Variants in TGFB2 observed in about 807,000 individuals in gnomAD.
TGFB2 encodes transforming growth factor beta 2, also known as transforming growth factor beta-2 proprotein.
Under a neutral mutation model 42.7 loss-of-function variants are expected in TGFB2, and 13 were observed. That is an observed-to-expected ratio of 0.30 (90% CI 0.20 to 0.48). The LOEUF is 0.48. Among genes scored for constraint, TGFB2 ranks in the 20% least tolerant of loss-of-function variants. The pLI is 0.99. For missense variants in TGFB2, 390 were observed against 517.5 expected, an observed-to-expected ratio of 0.75 and a Z score of 2.39; for synonymous variants, 193 against 193.6, an observed-to-expected ratio of 1.00 and a Z score of 0.03.
intron 2 of TGFB2, among the ~76,000 whole-genome samples, chr1:218,427,177 A>G (rs953753856): frequency 2.0e-5 from 3 of 152,152 alleles, no homozygotes; most frequent in African/African-American, 4.8e-5. Flanking sequence ...CATTAAGTAC[A>G]TTCACCACAA....
intron 1 of TGFB2, among the ~76,000 whole-genome samples, chr1:218,394,117 G>C (rs1571865051): frequency 1.3e-5 from 2 of 152,210 alleles, no homozygotes; most frequent in East Asian, 3.9e-4. Flanking sequence ...CACTGCGTTA[G>C]CCAGGATGGT....
intron 2 of TGFB2, among the ~76,000 whole-genome samples, chr1:218,424,248 A>G (rs1225644047): frequency 2.0e-5 from 3 of 152,250 alleles, no homozygotes; most frequent in Non-Finnish European, 4.4e-5. Context: ...TGATGAAGAC[A>G]TTGGCTGCAC....
At chr1:218,406,092 C>CT (rs1312880833) in intron 2 of TGFB2, among the ~76,000 whole-genome samples, 4 of 151,830 alleles carry the variant, frequency 2.6e-5, no homozygotes, top group South Asian at 2.1e-4. Context: ...TCCTTTTTCA[C>CT]TTTTTTCTCC....
intron 2 of TGFB2, among the ~76,000 whole-genome samples, chr1:218,408,961 C>T (rs1036582539): frequency 2.0e-5 from 3 of 152,186 alleles, no homozygotes; most frequent in African/African-American, 7.2e-5. Context: ...TATATATGGT[C>T]CCATCTGGCA....
At position 218,402,380 on chromosome 1, in the gene TGFB2, A is replaced by G. The variant is rs150047713; in HGVS notation, c.347-2789A>G. On this transcript the variant is annotated intron_variant, in intron 1 of 6. Coordinates refer to ENST00000366930, the MANE Select transcript of TGFB2 (RefSeq NM_003238.6). ...GCTGAACAACTGTACTTAACTAGCA[A>G]GCTACTCCTGTAAATATTTGCAAAC... Among the ~76,000 whole-genome samples the G allele has an allele frequency of 7.6e-3, 1,163 of 152,340 alleles. 11 individuals are homozygous for G. The highest frequency in any genetic ancestry group is 0.011 in the Non-Finnish European group (750 of 68,032).
Position 218,442,227 on chromosome 1 carries a change from T to C in TGFB2, c.*865T>C, listed in dbSNP as rs970715133. 6.6e-6 allele frequency: 1 copy of C among 152,144 alleles called. No individual in the cohort carries two copies. The highest frequency in any genetic ancestry group is 1.5e-5 in the Non-Finnish European group (1 of 67,998). The allele number at this position is 152,144 out of a possible 1,614,324, so 9.4% of individuals were successfully genotyped here. A position where few individuals can be genotyped will look rare whatever the true frequency, so the allele number is the denominator to read the frequency against. ...AGTGAAATGTTGAAATGTTTTGACA[T>C]GTACTGGTCAAACTTCAGACCTTAA... On this transcript the variant is annotated 3_prime_UTR_variant, in exon 7 of 7. Coordinates refer to ENST00000366930, the MANE Select transcript of TGFB2 (RefSeq NM_003238.6).
At chr1:218,434,540 G>A (rs1458405505) in intron 4 of TGFB2, 92 bp downstream of exon 4, 1 of 789,578 alleles carries the variant, frequency 1.3e-6, no homozygotes, top group Admixed American at 2.3e-5. Context: ...GTGAAAATGA[G>A]ACTGGTAAGG....
rs10482810 is a variant in TGFB2, at chr1:218,434,190, G to A, written c.619G>A (p.Val207Ile). 1.2e-6 allele frequency: 2 copies of A among 1,614,148 alleles called. No homozygotes were observed. The highest frequency in any genetic ancestry group is 1.7e-6 in the Non-Finnish European group (2 of 1,179,996). ...EWLSFDVTDA[V>I]HEWLHHKDRN... is the part of the protein sequence containing the mutation. ...GCTCTCCTTCGATGTAACTGATGCTGTTCATGAATGGCTTCACCATAAAGG... is the reference window on the plus strand; with the variant it reads ...GCTCTCCTTCGATGTAACTGATGCTATTCATGAATGGCTTCACCATAAAGG... The change falls in exon 3 of 7, where the codon GTT becomes ATT. Residue 207 changes from valine to isoleucine, a missense_variant. Coordinates refer to ENST00000366930, the MANE Select transcript of TGFB2 (RefSeq NM_003238.6).
intron 1 of TGFB2, among the ~76,000 whole-genome samples, chr1:218,351,587 C>T (rs1320944192): frequency 4.6e-5 from 7 of 152,076 alleles, no homozygotes; most frequent in African/African-American, 1.4e-4. Context: ...GCAGTTGGGT[C>T]GTCTTTGTTG....
chr1:218,400,957 G>T (rs528036615), intron 1 of TGFB2, among the ~76,000 whole-genome samples: 1 of 152,262 alleles, frequency 6.6e-6, no homozygotes, highest in South Asian at 2.1e-4. Flanking sequence ...CAGGGCTGAG[G>T]TCCCCAGCCC....
intron 1 of TGFB2, among the ~76,000 whole-genome samples, chr1:218,392,999 G>A (rs1220422857): frequency 6.6e-6 from 1 of 152,208 alleles, no homozygotes; most frequent in Non-Finnish European, 1.5e-5. Flanking sequence ...CCACAAGCAA[G>A]AAGCTTACAG....
chr1:218,409,645 A>G (rs1031262666), intron 2 of TGFB2, among the ~76,000 whole-genome samples: 1 of 150,382 alleles, frequency 6.6e-6, no homozygotes, highest in Non-Finnish European at 1.5e-5. Flanking sequence ...CACATCCAAA[A>G]TTGCTGAAAT....
Position 218,435,060 on chromosome 1 carries a change from A to G in TGFB2, c.754+612A>G, listed in dbSNP as rs567081421. Among the ~76,000 whole-genome samples, 3 of 152,316 alleles carry G rather than the reference A, an allele frequency of 2.0e-5. No homozygotes were observed. In the South Asian group the frequency reaches 6.2e-4, roughly 32 times the overall value. On this transcript the variant is annotated intron_variant, in intron 4 of 6. Transcript: ENST00000366930. ...AGTCATGGAGAGTGAGGCGATACCA[A>G]GGGCTCAAGTCACTTCATGTATTAG...
rs911705101 is a variant in TGFB2 at position 218,409,440 on chromosome 1, A to G, written c.510+4108A>G. ...TTCTGGCCTCTTTATTTGGAGTCCTATTTTTAGTATGGTGTTCTCCAACTT... is the reference window on the plus strand; with the variant it reads ...TTCTGGCCTCTTTATTTGGAGTCCTGTTTTTAGTATGGTGTTCTCCAACTT... On this transcript the variant is annotated intron_variant, in intron 2 of 6. Coordinates refer to ENST00000366930, the MANE Select transcript of TGFB2 (RefSeq NM_003238.6). Among the ~76,000 whole-genome samples the G allele has an allele frequency of 3.9e-5, 6 of 152,046 alleles. No individual in the cohort carries two copies. In the South Asian group the frequency reaches 6.2e-4, roughly 16 times the overall value.
chr1:218,426,458 G>T (rs1659628510), intron 2 of TGFB2, among the ~76,000 whole-genome samples: 1 of 152,182 alleles, frequency 6.6e-6, no homozygotes, highest in Non-Finnish European at 1.5e-5. Context: ...CAATGGCAGA[G>T]AAATGAATGG....
intron 4 of TGFB2, among the ~76,000 whole-genome samples, 177 bp downstream of exon 4, chr1:218,434,625 C>T (rs141130377): frequency 1.8e-4 from 28 of 152,218 alleles, no homozygotes; most frequent in African/African-American, 6.0e-4. Flanking sequence ...ATTGGAAGAA[C>T]GGAATAGGTT....
chr1:218,409,546 T>A (rs961436517), intron 2 of TGFB2, among the ~76,000 whole-genome samples: 2 of 152,178 alleles, frequency 1.3e-5, no homozygotes, highest in Admixed American at 1.3e-4. Flanking sequence ...TTACAGGAAT[T>A]GATGCCGATG....
At position 218,442,019 on chromosome 1, in the gene TGFB2, G is replaced by A. The variant is rs1660169747; in HGVS notation, c.*657G>A. 1 of 152,156 alleles carries A rather than the reference G, an allele frequency of 6.6e-6. No homozygotes were observed. Among genetic ancestry groups the A allele is most frequent in the Admixed American group, 6.5e-5 (1 of 15,278 alleles). The allele number at this position is 152,156 out of a possible 1,614,324, so 9.4% of individuals were successfully genotyped here. A position where few individuals can be genotyped will look rare whatever the true frequency, so the allele number is the denominator to read the frequency against. On this transcript the variant is annotated 3_prime_UTR_variant, in exon 7 of 7. Coordinates refer to ENST00000366930, the MANE Select transcript of TGFB2 (RefSeq NM_003238.6). ...CCCAAGTGAGTTATTATATGACCGA[G>A]AAAGTCTGCATTAAGATAAAGACCC...
chr1:218,395,915 T>C (rs1212192054), intron 1 of TGFB2, among the ~76,000 whole-genome samples: 1 of 152,126 alleles, frequency 6.6e-6, no homozygotes, highest in African/African-American at 2.4e-5. Flanking sequence ...CGCCAGGCCT[T>C]GATTTCTTTA....
Sources: gnomAD v4.1 joint callset for allele counts (sites outside exome capture counted in the v4.1 genomes callset) on GRCh38, gnomAD v4.1.1 for gene constraint, MANE v1.5 for transcripts, NCBI Gene and HGNC (gene_info 2026-07-23, HGNC 2026-07-21) for gene names.